The following CDC42BPA variants were observed in gnomAD, a reference collection of about 807,000 sequenced individuals.
CDC42BPA encodes serine/threonine-protein kinase MRCK alpha.
A neutral mutation model predicts 223.5 loss-of-function variants in CDC42BPA; 80 were observed. That is an observed-to-expected ratio of 0.36 (90% CI 0.30 to 0.43). CDC42BPA has a LOEUF of 0.43. Among genes scored for constraint, CDC42BPA ranks in the 20% least tolerant of loss-of-function variants. The probability of loss-of-function intolerance (pLI) is 1.00; values close to 1 mark genes in which losing one functional copy is unlikely to be tolerated. For synonymous variants in CDC42BPA, 694 were observed against 718.6 expected (o/e 0.97, Z 0.55); for missense variants, 1,743 against 2,099.9 (o/e 0.83, Z 3.32).
intron 12 of CDC42BPA, among the ~76,000 whole-genome samples, chr1:227,117,068 T>C (rs1427732724): frequency 1.3e-5 from 2 of 152,200 alleles, no homozygotes; most frequent in African/African-American, 2.4e-5. Context: ...TCAAGGCTCC[T>C]CATTTACAAC....
chr1:227,007,031 T>C (rs1303933353), intron 34 of CDC42BPA, among the ~76,000 whole-genome samples: 2 of 152,230 alleles, frequency 1.3e-5, no homozygotes, highest in East Asian at 3.9e-4. Context: ...GGATCACAAA[T>C]TTTACATGTG....
intron 10 of CDC42BPA, among the ~76,000 whole-genome samples, chr1:227,129,807 T>G (rs1003203885): frequency 2.6e-5 from 4 of 151,082 alleles, no homozygotes; most frequent in African/African-American, 9.8e-5. Flanking sequence ...TTTCTCCTAG[T>G]AGGAACATCA....
Position 227,180,909 on chromosome 1 carries a change from C to A in CDC42BPA, c.599+12877G>T, listed in dbSNP as rs552017030. 2.2e-4 allele frequency among the ~76,000 whole-genome samples: 32 copies of A among 144,882 alleles called. No individual in the cohort carries two copies. The East Asian group carries it at 3.6e-3, about 16-fold the overall frequency. Reference sequence around the variant, plus strand: ...AAACATGGTTAGAAATAACTTGGGGCCTTTTTTTTTTTCAACCTGAAATTA... The same window carrying A: ...AAACATGGTTAGAAATAACTTGGGGACTTTTTTTTTTTCAACCTGAAATTA... On this transcript the variant is annotated intron_variant, in intron 5 of 36. Transcript: ENST00000366766.
At chr1:227,211,697 T>C (rs1673931543) in intron 3 of CDC42BPA, among the ~76,000 whole-genome samples, 1 of 152,000 alleles carries the variant, frequency 6.6e-6, no homozygotes, top group Non-Finnish European at 1.5e-5. Flanking sequence ...TTCTCATTTA[T>C]AAGTGGAAGC....
chr1:227,236,166 C>T (rs1280186165), intron 2 of CDC42BPA, among the ~76,000 whole-genome samples: 1 of 152,146 alleles, frequency 6.6e-6, no homozygotes, highest in Non-Finnish European at 1.5e-5. Flanking sequence ...GACTATATAT[C>T]CCAACAGACT....
intron 14 of CDC42BPA, among the ~76,000 whole-genome samples, chr1:227,111,802 G>A (rs1337338777): frequency 6.6e-6 from 1 of 152,136 alleles, no homozygotes; most frequent in Non-Finnish European, 1.5e-5. Context: ...TCTGTCCAAT[G>A]TTACATGTTA....
At chr1:227,100,333 A>AT (rs1193767823) in intron 15 of CDC42BPA, among the ~76,000 whole-genome samples, 1 of 152,118 alleles carries the variant, frequency 6.6e-6, no homozygotes, top group African/African-American at 2.4e-5. Flanking sequence ...AAAAATGTAA[A>AT]TATAATCATG....
intron 1 of CDC42BPA, among the ~76,000 whole-genome samples, chr1:227,288,505 C>A (rs556735473): frequency 6.6e-6 from 1 of 152,280 alleles, no homozygotes; most frequent in Non-Finnish European, 1.5e-5. Flanking sequence ...TCAAGACCAG[C>A]CTAGCCAACA....
At chr1:227,240,275 G>C (rs1679795470) in intron 2 of CDC42BPA, among the ~76,000 whole-genome samples, 1 of 151,868 alleles carries the variant, frequency 6.6e-6, no homozygotes, top group Non-Finnish European at 1.5e-5. Flanking sequence ...AATTAAGTTA[G>C]ACCTTCAAAA....
Position 227,128,001 on chromosome 1 carries a change from C to A in CDC42BPA, c.1513+1108G>T, listed in dbSNP as rs12569194. Among the ~76,000 whole-genome samples the A allele has an allele frequency of 2.5e-3, 387 of 152,224 alleles. 9 individuals are homozygous for A. The East Asian group carries it at 0.047, about 18-fold the overall frequency. On this transcript the variant is annotated intron_variant, in intron 11 of 36. Coordinates refer to ENST00000366766, the MANE Select transcript of CDC42BPA (RefSeq NM_001394014.1). ...TTCAGATCATGTAATGCCTCTAAAC[C>A]CTGCGAAAAACTGCCATTTCATTCT...
At chr1:227,152,259 T>C (rs60866629) in intron 6 of CDC42BPA, among the ~76,000 whole-genome samples, 23,505 of 152,170 alleles carry the variant, frequency 0.15, 2,196 homozygotes, top group African/African-American at 0.25. Flanking sequence ...TTTTCTTTCG[T>C]TGCCTGTAAT....
chr1:227,241,671 G>A (rs1434294485), intron 2 of CDC42BPA, among the ~76,000 whole-genome samples: 1 of 152,126 alleles, frequency 6.6e-6, no homozygotes, highest in Non-Finnish European at 1.5e-5. Flanking sequence ...TTTGATGGAA[G>A]CTGTGGGGAA....
At chr1:227,211,852 T>C (rs1310865933) in intron 3 of CDC42BPA, among the ~76,000 whole-genome samples, 9 of 152,084 alleles carry the variant, frequency 5.9e-5, no homozygotes, top group Admixed American at 5.9e-4. Flanking sequence ...ACTAGATGGG[T>C]ATTTCACCAC....
At chr1:227,091,832 A>G in intron 16 of CDC42BPA, 54 bp downstream of exon 16, 1 of 880,458 alleles carries the variant, frequency 1.1e-6, no homozygotes, top group Non-Finnish European at 1.8e-6. Flanking sequence ...AATTCCTATC[A>G]GTGTTGAACA....
At chr1:227,272,041 T>C (rs1513607) in intron 1 of CDC42BPA, among the ~76,000 whole-genome samples, 16,861 of 152,226 alleles carry the variant, frequency 0.11, 1,191 homozygotes, top group South Asian at 0.19. Flanking sequence ...CTTTCATATG[T>C]TTAAAATATG....
chr1:227,282,276 T>A (rs1019941887), intron 1 of CDC42BPA, among the ~76,000 whole-genome samples: 1 of 151,664 alleles, frequency 6.6e-6, no homozygotes, highest in African/African-American at 2.4e-5. Context: ...ATTCTTAGGG[T>A]GAGAACAGAG....
Position 227,093,708 on chromosome 1 carries a change from T to A in CDC42BPA, c.2250-1717A>T, listed in dbSNP as rs147554992. Among the ~76,000 whole-genome samples the A allele has an allele frequency of 3.7e-3, 566 of 152,322 alleles. 3 individuals carry two copies. The highest frequency in any genetic ancestry group is 0.013 in the African/African-American group (547 of 41,578). On this transcript the variant is annotated intron_variant, in intron 15 of 36. Coordinates refer to ENST00000366766, the MANE Select transcript of CDC42BPA (RefSeq NM_001394014.1). ...CTCTCCTGATTTTTCTTTAAAAACC[T>A]GAGCCTCTTTTTTGTTCTCTGGAGC... is the stretch of plus-strand genomic sequence containing the variant.
chr1:227,212,856 A>G (rs923812696), intron 3 of CDC42BPA, among the ~76,000 whole-genome samples: 1 of 152,200 alleles, frequency 6.6e-6, no homozygotes, highest in Non-Finnish European at 1.5e-5. Flanking sequence ...ATGTCTTTCT[A>G]TAGAAGAAAG....
intron 5 of CDC42BPA, among the ~76,000 whole-genome samples, chr1:227,170,193 T>TG (rs1665847132): frequency 6.6e-6 from 1 of 152,064 alleles, no homozygotes; most frequent in African/African-American, 2.4e-5. Context: ...TTCTGCTTTG[T>TG]TCTCTAGAGA....
Sources: allele counts gnomAD v4.1 joint callset (sites outside exome capture counted in the v4.1 genomes callset), GRCh38; gene constraint gnomAD v4.1.1; transcripts MANE v1.5; gene names NCBI Gene and HGNC (gene_info 2026-07-23, HGNC 2026-07-21).